Variants in COL28A1 observed in about 807,000 individuals in gnomAD.
COL28A1 encodes collagen alpha-1(XXVIII) chain.
A neutral mutation model predicts 150.2 loss-of-function variants in COL28A1; 161 were observed. The ratio of observed to expected loss-of-function variants is 1.07; its 90% confidence interval spans 0.94 to 1.22. The LOEUF (loss-of-function observed/expected upper bound fraction) is 1.22. Ranked by LOEUF, COL28A1 falls within the 50% of genes most tolerant of loss-of-function variation. The pLI, the probability that COL28A1 is intolerant of heterozygous loss-of-function variation, is 0.00. For missense variants in COL28A1, 1,617 were observed against 1,388.3 expected (o/e 1.16, Z -2.62); for synonymous variants, 552 against 469.7 (o/e 1.18, Z -2.26).
intron 4 of COL28A1, 153 bp from the exon 5 acceptor site, chr7:7,522,114 C>G (rs753509631): frequency 5.8e-6 from 4 of 688,152 alleles, no homozygotes; most frequent in Non-Finnish European, 1.1e-5. Flanking sequence ...AACTGGAGCA[C>G]TCTCAAAGAA....
In COL28A1 at chr7:7,505,912, T is replaced by A. The variant is rs1780782528; in HGVS notation, c.1026+102A>T. Reference sequence around the variant, plus strand: ...GGTTATTATGCATTTCCAAAGGTACTTCCTCAAAGAATCCATTGACTTTTA... The same window carrying A: ...GGTTATTATGCATTTCCAAAGGTACATCCTCAAAGAATCCATTGACTTTTA... On this transcript the variant is annotated intron_variant, in intron 11 of 34. Transcript: ENST00000399429. The A allele has an allele frequency of 5.2e-6, 4 of 762,852 alleles. No individual in the cohort carries two copies. The Admixed American group carries it at 7.6e-5, about 14-fold the overall frequency. 47.3% of individuals were successfully genotyped at this position (762,852 alleles called of 1,614,324 possible). A position where few individuals can be genotyped will look rare whatever the true frequency, so the allele number is the denominator to read the frequency against.
At chr7:7,376,165 G>A (rs1401242604) in intron 30 of COL28A1, among the ~76,000 whole-genome samples, 1 of 152,120 alleles carries the variant, frequency 6.6e-6, no homozygotes, top group Non-Finnish European at 1.5e-5. Context: ...TCCCTGTGCA[G>A]TGTGTTTATA....
Position 7,429,447 on chromosome 7 carries a change from T to TC in COL28A1, c.1998+3025_1998+3026insG, listed in dbSNP as rs1562619850. 1.9e-3 allele frequency among the ~76,000 whole-genome samples: 196 copies of TC among 102,778 alleles called. 1 individual carries two copies. Among genetic ancestry groups the TC allele is most frequent in the African/African-American group, 9.3e-3 (180 of 19,298 alleles). 67.4% of individuals were successfully genotyped at this position (102,778 alleles called of 152,430 possible). A position where few individuals can be genotyped will look rare whatever the true frequency, so the allele number is the denominator to read the frequency against. On this transcript the variant is annotated intron_variant, in intron 25 of 34. Transcript: ENST00000399429. ...TCTCTCACATACACACACACTCTCTTTCTCTCTGTGCTCTGTGTGTGTGTG... is the reference window on the plus strand; with the variant it reads ...TCTCTCACATACACACACACTCTCTTCTCTCTCTGTGCTCTGTGTGTGTGTG...
At chr7:7,395,251 A>G (rs1782772257) in intron 27 of COL28A1, among the ~76,000 whole-genome samples, 1 of 152,176 alleles carries the variant, frequency 6.6e-6, no homozygotes, top group Non-Finnish European at 1.5e-5. Flanking sequence ...CCAAGATCAC[A>G]TCACTGCACT....
chr7:7,517,570 T>C (rs1781483761), intron 7 of COL28A1, among the ~76,000 whole-genome samples: 1 of 152,172 alleles, frequency 6.6e-6, no homozygotes, highest in South Asian at 2.1e-4. Flanking sequence ...GAGAATTTGA[T>C]AGGGTTGAAC....
At chr7:7,478,639 G>A (rs187219405) in intron 13 of COL28A1, among the ~76,000 whole-genome samples, 256 of 152,354 alleles carry the variant, frequency 1.7e-3, no homozygotes, top group Middle Eastern at 0.01. Context: ...AGCCCACGGC[G>A]GGTTGGGGAG....
At chr7:7,383,292 T>C (rs752811323) in intron 27 of COL28A1, among the ~76,000 whole-genome samples, 13 of 134,026 alleles carry the variant, frequency 9.7e-5, no homozygotes, top group African/African-American at 2.6e-4. Context: ...GTGTGTGTTT[T>C]TTTTGAGACA....
At chr7:7,510,500 G>A (rs1414359319) in intron 9 of COL28A1, among the ~76,000 whole-genome samples, 1 of 152,184 alleles carries the variant, frequency 6.6e-6, no homozygotes, top group South Asian at 2.1e-4. Context: ...GGTCAGGCTG[G>A]TCTCAAACTC....
intron 26 of COL28A1, among the ~76,000 whole-genome samples, chr7:7,418,886 T>C (rs947638430): frequency 1.3e-5 from 2 of 152,158 alleles, no homozygotes; most frequent in Admixed American, 6.5e-5. Flanking sequence ...AAAAATAGCA[T>C]ACCGCCAAAA....
the COL28A1 span, among the ~76,000 whole-genome samples, chr7:7,341,551 C>T: frequency 3.9e-5 from 6 of 152,084 alleles, no homozygotes; most frequent in African/African-American, 1.4e-4. Flanking sequence ...GCCAGGACTA[C>T]AGGTGTGTGC....
In COL28A1 at chr7:7,373,607, G is replaced by A. The variant is rs1445386324; in HGVS notation, c.2360-61C>T. ...AATGATTGACATCAGATTGTTGAGGGGAGGGGAGAAAAAGTCAATGATGAA... is the reference window on the plus strand; with the variant it reads ...AATGATTGACATCAGATTGTTGAGGAGAGGGGAGAAAAAGTCAATGATGAA... On this transcript the variant is annotated intron_variant, in intron 31 of 34. Transcript: ENST00000399429. The surrounding 1 kb of genome is among the most constrained non-coding windows in gnomAD (Gnocchi z 4.1). 1.4e-6 allele frequency: 2 copies of A among 1,415,238 alleles called. No homozygotes were observed. Among genetic ancestry groups the A allele is most frequent in the African/African-American group, 2.9e-5 (2 of 70,062 alleles). The allele number at this position is 1,415,238 out of a possible 1,614,324, so 87.7% of individuals were successfully genotyped here.
At chr7:7,542,300 C>T in the COL28A1 span, among the ~76,000 whole-genome samples, 7 of 152,044 alleles carry the variant, frequency 4.6e-5, no homozygotes, top group East Asian at 9.6e-4. Flanking sequence ...CACTGCACTC[C>T]GGCCTGGCCA....
intron 14 of COL28A1, among the ~76,000 whole-genome samples, chr7:7,476,302 A>G (rs1239099835): frequency 6.6e-6 from 1 of 152,184 alleles, no homozygotes; most frequent in African/African-American, 2.4e-5. Flanking sequence ...TCATTTTGGA[A>G]AACACTTTTT....
Position 7,380,677 on chromosome 7 carries a change from C to T in COL28A1, c.2305G>A (p.Gly769Arg). 2 of 1,613,766 alleles carry T rather than the reference C, an allele frequency of 1.2e-6. No individual in the cohort carries two copies. The highest frequency in any genetic ancestry group is 2.2e-5 in the South Asian group (2 of 91,072). Residue 769 changes from glycine to arginine, a missense_variant, in exon 30 of 35, where the codon GGA becomes AGA. Gly to Arg is a moderately radical substitution (Grantham distance 125, BLOSUM62 -2). Transcript: ENST00000399429. ...PGKQGLQGPK[G>R]DLGLTKEEII... ...ATACTCACTGTAAGTCCTAGGTCTC[C>T]TTTGGGTCCTTGTAAACCCTACTTA...
chr7:7,342,443 C>T, the COL28A1 span, among the ~76,000 whole-genome samples: 8 of 151,928 alleles, frequency 5.3e-5, no homozygotes, highest in Non-Finnish European at 7.4e-5. Context: ...ATTATGAATA[C>T]GTTTTGGTTT....
chr7:7,437,111 C>G (rs1244425519), intron 22 of COL28A1, among the ~76,000 whole-genome samples: 4 of 152,122 alleles, frequency 2.6e-5, no homozygotes, highest in Admixed American at 1.3e-4. Context: ...CTGGTAGATT[C>G]TTCTGAATAA....
At chr7:7,480,222 A>G (rs962021243) in intron 13 of COL28A1, among the ~76,000 whole-genome samples, 2 of 152,092 alleles carry the variant, frequency 1.3e-5, no homozygotes, top group African/African-American at 2.4e-5. Context: ...TCAGTGTTTA[A>G]TTTTTTTGTC....
chr7:7,429,818 G>A lies in COL28A1; in HGVS notation c.1998+2655C>T, dbSNP rs529475588. Among the ~76,000 whole-genome samples the A allele has an allele frequency of 6.6e-5, 10 of 152,220 alleles. No homozygotes were observed. The East Asian group carries it at 9.7e-4, about 15-fold the overall frequency. ...GTCCTACCTAGTACTCTTCTCCCCC[G>A]GGCTCTGCCTGCAGCTGGAAGCAAA... On this transcript the variant is annotated intron_variant, in intron 25 of 34. Transcript: ENST00000399429.
chr7:7,440,412 A>C (rs1248737040), intron 21 of COL28A1, among the ~76,000 whole-genome samples: 3 of 152,220 alleles, frequency 2.0e-5, no homozygotes, highest in Non-Finnish European at 4.4e-5. Flanking sequence ...TCCAAAGAAG[A>C]GCCTTCATCA....
Sources: allele counts gnomAD v4.1 joint callset (sites outside exome capture counted in the v4.1 genomes callset), GRCh38; gene constraint gnomAD v4.1.1; non-coding constraint Gnocchi (gnomAD v3.1); transcripts MANE v1.5; gene names NCBI Gene and HGNC (gene_info 2026-07-23, HGNC 2026-07-21).